The following CAPN11 variants were observed in gnomAD, a reference collection of about 807,000 sequenced individuals.
CAPN11 encodes calpain 11, also known as calpain-11.
Under a neutral mutation model 105.3 loss-of-function variants are expected in CAPN11, and 108 were observed. That is an observed-to-expected ratio of 1.03 (90% CI 0.88 to 1.20). CAPN11 has a LOEUF of 1.20. Ranked by LOEUF, CAPN11 falls within the 50% of genes most tolerant of loss-of-function variation. The pLI is 0.00. For missense variants in CAPN11, 883 were observed against 924.8 expected, an observed-to-expected ratio of 0.95 and a Z score of 0.59; for synonymous variants, 329 against 344.5, an observed-to-expected ratio of 0.96 and a Z score of 0.50.
chr6:44,177,423 G>C lies in CAPN11; in HGVS notation c.1416+3G>C. On this transcript the variant is annotated splice_donor_region_variant and intron_variant, in intron 12 of 22. Coordinates refer to ENST00000398776, the MANE Select transcript of CAPN11 (RefSeq NM_007058.4). ...CCATTGGCTTTGTCCTCTACGCGGT[G>C]GGTGCCTGGCTGGTCTCGCCCGCCA... 6.2e-7 allele frequency: 1 copy of C among 1,608,282 alleles called. No homozygotes were observed.
At chr6:44,165,562 A>G (rs919928507) in intron 1 of CAPN11, among the ~76,000 whole-genome samples, 1 of 152,230 alleles carries the variant, frequency 6.6e-6, no homozygotes, top group Non-Finnish European at 1.5e-5. Context: ...TGCAAGGGAC[A>G]TAGTGACAGG....
At position 44,172,287 on chromosome 6, in the gene CAPN11, T is replaced by G; in HGVS notation, c.410-15T>G. ...GGGTTGCTCAGGGGTGGCAAAGCCC[T>G]GCCTGTCTTTCCAGGGGACTGCTGG... On this transcript the variant is annotated splice_polypyrimidine_tract_variant and intron_variant, in intron 4 of 22. Coordinates refer to ENST00000398776, the MANE Select transcript of CAPN11 (RefSeq NM_007058.4). 3 of 1,539,494 alleles carry G rather than the reference T, an allele frequency of 1.9e-6. No homozygotes were observed. Among genetic ancestry groups the G allele is most frequent in the Middle Eastern group, 1.8e-4 (1 of 5,548 alleles).
intron 2 of CAPN11, among the ~76,000 whole-genome samples, chr6:44,167,114 T>C (rs1167194492): frequency 6.6e-6 from 1 of 152,120 alleles, no homozygotes; most frequent in Non-Finnish European, 1.5e-5. Flanking sequence ...CAGTGCCACC[T>C]GCTCAGCCAT....
Position 44,172,390 on chromosome 6 carries a change from G to C in CAPN11, c.498G>C (p.Lys166Asn), listed in dbSNP as rs773278222. Residue 166 changes from lysine (K) to asparagine (N), a missense_variant, in exon 5 of 23, where the codon AAG becomes AAC. Coordinates refer to ENST00000398776, the MANE Select transcript of CAPN11 (RefSeq NM_007058.4). ...TGGTGCCCAGAGGACAGAGCTTCAAGAAAAACTATGCTGGCATCTTCCATT... is the reference window on the plus strand; with the variant it reads ...TGGTGCCCAGAGGACAGAGCTTCAACAAAAACTATGCTGGCATCTTCCATT... ...YRVVPRGQSF[K>N]KNYAGIFHFQ... is the part of the protein sequence containing the mutation. 3.8e-6 allele frequency: 6 copies of C among 1,558,548 alleles called. No individual in the cohort carries two copies. The highest frequency in any genetic ancestry group is 5.2e-6 in the Non-Finnish European group (6 of 1,151,200).
intron 5 of CAPN11, 55 bp downstream of exon 5, chr6:44,172,475 T>A (rs1323059879): frequency 1.8e-6 from 2 of 1,084,370 alleles, no homozygotes; most frequent in Non-Finnish European, 2.7e-6. Context: ...GGAAGAATCA[T>A]ATATGCTTTG....
chr6:44,182,544 G>T (rs1773952845), intron 19 of CAPN11, among the ~76,000 whole-genome samples: 1 of 152,118 alleles, frequency 6.6e-6, no homozygotes, highest in Non-Finnish European at 1.5e-5. Flanking sequence ...AGGGTTGGAG[G>T]GGGGCATGGG....
intron 22 of CAPN11, 63 bp downstream of exon 22, chr6:44,183,826 C>T: frequency 3.8e-6 from 6 of 1,577,856 alleles, no homozygotes; most frequent in Admixed American, 1.8e-5. Context: ...CAACCCCACC[C>T]CCACCCAGCT....
chr6:44,183,958 C>G lies in CAPN11; in HGVS notation c.*26C>G. ...AGGCGCTGTAGGAGCCTGGTCATCT[C>G]TACCAGCAGCAGCAGCAGCGAGGTT... On this transcript the variant is annotated 3_prime_UTR_variant, in exon 23 of 23. Transcript: ENST00000398776. 6.4e-7 allele frequency: 1 copy of G among 1,552,538 alleles called. No individual in the cohort carries two copies. Among genetic ancestry groups the G allele is most frequent in the Non-Finnish European group, 8.7e-7 (1 of 1,147,558 alleles).
At chr6:44,176,703 T>G (rs776590258) in intron 10 of CAPN11, 48 bp downstream of exon 10, 2 of 1,560,736 alleles carry the variant, frequency 1.3e-6, no homozygotes, top group Admixed American at 3.5e-5. Context: ...TAGGCCCTGG[T>G]CCTTCATCTC....
At chr6:44,176,186 C>T (rs754126258) in intron 8 of CAPN11, 35 bp downstream of exon 8, 1 of 1,605,870 alleles carries the variant, frequency 6.2e-7, no homozygotes, top group Non-Finnish European at 8.5e-7. Flanking sequence ...CCCTGAGGAC[C>T]CTGAGAAGGA....
At chr6:44,159,436 G>A (rs778208338) in intron 1 of CAPN11, among the ~76,000 whole-genome samples, 11 of 152,194 alleles carry the variant, frequency 7.2e-5, no homozygotes, top group Non-Finnish European at 1.6e-4. Flanking sequence ...TTGTTCCTGT[G>A]GGGCTAGGGT....
chr6:44,163,451 A>C (rs115094868), intron 1 of CAPN11, among the ~76,000 whole-genome samples: 4,317 of 152,044 alleles, frequency 0.028, 145 homozygotes, highest in African/African-American at 0.067. Flanking sequence ...ATGGCTCCTC[A>C]CCATGGCGAC....
rs1323949829 is a variant in CAPN11 at position 44,166,848 on chromosome 6, C to T, written c.88+19C>T. 2.7e-6 allele frequency: 4 copies of T among 1,508,906 alleles called. No homozygotes were observed. The highest frequency in any genetic ancestry group is 2.7e-6 in the Non-Finnish European group (3 of 1,113,680). The allele number at this position is 1,508,906 out of a possible 1,614,324, so 93.5% of individuals were successfully genotyped here. A position where few individuals can be genotyped will look rare whatever the true frequency, so the allele number is the denominator to read the frequency against. ...TGTGCGGGTAGGACTGCAGACCCGT[C>T]GTGGCTCTGTGGCCTCCCTTTTTCT... is the stretch of plus-strand genomic sequence containing the variant. On this transcript the variant is annotated intron_variant, in intron 2 of 22. Transcript: ENST00000398776.
At chr6:44,179,513 A>AACAC in intron 12 of CAPN11, 106 bp from the exon 13 acceptor site, 2 of 1,019,728 alleles carry the variant, frequency 2.0e-6, no homozygotes, top group Non-Finnish European at 3.1e-6. Context: ...CCCCTCCAAC[A>AACAC]ACACACACAC....
At chr6:44,172,475 T>C (rs1323059879) in intron 5 of CAPN11, 55 bp downstream of exon 5, 94 of 1,084,370 alleles carry the variant, frequency 8.7e-5, no homozygotes, top group Non-Finnish European at 4.0e-6. Context: ...GGAAGAATCA[T>C]ATATGCTTTG....
At chr6:44,182,866 G>A (rs1582893167) in intron 19 of CAPN11, 75 bp from the exon 20 acceptor site, 34 of 1,111,906 alleles carry the variant, frequency 3.1e-5, no homozygotes, top group East Asian at 1.8e-4. Context: ...GAGCCACCGC[G>A]CCCGGCCTCA....
intron 4 of CAPN11, among the ~76,000 whole-genome samples, chr6:44,170,200 C>A (rs1023890917): frequency 6.6e-6 from 1 of 152,154 alleles, no homozygotes; most frequent in East Asian, 1.9e-4. Flanking sequence ...CTGGGTCTTG[C>A]GGGGGGAATA....
At chr6:44,173,920 C>T (rs967902815) in intron 7 of CAPN11, among the ~76,000 whole-genome samples, 6 of 152,126 alleles carry the variant, frequency 3.9e-5, no homozygotes, top group African/African-American at 1.4e-4. Context: ...TTACTTTCTC[C>T]CCAACATTTA....
At chr6:44,183,861 G>GC (rs758161667) in intron 22 of CAPN11, 45 bp from the exon 23 acceptor site, 18 of 1,562,858 alleles carry the variant, frequency 1.2e-5, no homozygotes, top group Non-Finnish European at 1.6e-5. Flanking sequence ...CCAGCATCCT[G>GC]CCCCCGTCTC....
Sources: allele counts gnomAD v4.1 joint callset (sites outside exome capture counted in the v4.1 genomes callset), GRCh38; gene constraint gnomAD v4.1.1; transcripts MANE v1.5; gene names NCBI Gene and HGNC (gene_info 2026-07-23, HGNC 2026-07-21).